The following SLC25A26 variants were observed in gnomAD, a reference collection of about 807,000 sequenced individuals.
The protein encoded by SLC25A26 is mitochondrial S-adenosylmethionine carrier protein.
A neutral mutation model predicts 37.8 loss-of-function variants in SLC25A26; 36 were observed. The observed-to-expected ratio is 0.95, with a 90% CI of 0.73 to 1.26. The LOEUF (loss-of-function observed/expected upper bound fraction) is 1.26, where lower values mean the gene tolerates loss of function less well. Among genes scored for constraint, SLC25A26 ranks in the 50% most tolerant of loss-of-function variants. SLC25A26 has a pLI of 0.00. For missense variants in SLC25A26, 390 were observed against 331.1 expected (o/e 1.18, Z -1.38); for synonymous variants, 129 against 122.5 (o/e 1.05, Z -0.35).
intron 5 of SLC25A26, among the ~76,000 whole-genome samples, chr3:66,334,163 T>C (rs1302010552): frequency 6.6e-6 from 1 of 152,218 alleles, no homozygotes; most frequent in Non-Finnish European, 1.5e-5. Context: ...TGCTTCTTTC[T>C]CTCTGAGAAG....
At chr3:66,369,289 C>T (rs1346089187) in intron 7 of SLC25A26, among the ~76,000 whole-genome samples, 189 bp from the exon 8 acceptor site, 2 of 152,206 alleles carry the variant, frequency 1.3e-5, no homozygotes, top group African/African-American at 4.8e-5. Flanking sequence ...TTTCTTCTCT[C>T]ATGCAGTTCT....
At position 66,197,505 on chromosome 3, in the gene SLC25A26, G is replaced by A. The variant is rs894182687; in HGVS notation, c.-353-23237G>A. On this transcript the variant is annotated intron_variant, in intron 1 of 10. Coordinates refer to the SLC25A26 transcript ENST00000676754. The stretch of plus-strand genomic sequence containing the variant: ...CAGTATCAACATTAGAAAAGATCAG[G>A]GATGGGGTCAGGGTCAGGGTTAGGT... 2.8e-3 allele frequency among the ~76,000 whole-genome samples: 429 copies of A among 152,240 alleles called. 1 individual carries two copies. Among genetic ancestry groups the A allele is most frequent in the Non-Finnish European group, 4.0e-3 (273 of 68,024 alleles).
At chr3:66,348,012 C>A (rs528422019) in intron 6 of SLC25A26, among the ~76,000 whole-genome samples, 100 of 152,272 alleles carry the variant, frequency 6.6e-4, no homozygotes, top group African/African-American at 2.3e-3. Flanking sequence ...GGAAAAATAG[C>A]TAACACATGC....
At chr3:66,285,358 T>C (rs541077000) in intron 5 of SLC25A26, among the ~76,000 whole-genome samples, 1 of 151,610 alleles carries the variant, frequency 6.6e-6, no homozygotes, top group Non-Finnish European at 1.5e-5. Flanking sequence ...GATAAATTTA[T>C]CAAAGGCACT....
intron 5 of SLC25A26, among the ~76,000 whole-genome samples, chr3:66,278,760 T>C (rs2074240566): frequency 6.6e-6 from 1 of 152,224 alleles, no homozygotes; most frequent in South Asian, 2.1e-4. Flanking sequence ...TGCTTTCTTT[T>C]TGCCACCTTG....
intron 5 of SLC25A26, among the ~76,000 whole-genome samples, chr3:66,298,802 A>T (rs1418944882): frequency 3.9e-5 from 6 of 152,190 alleles, no homozygotes; most frequent in Non-Finnish European, 8.8e-5. Flanking sequence ...GCATTACAGG[A>T]TGACGTTGCT....
At chr3:66,153,052 A>G (rs139549989) in intron 1 of SLC25A26, among the ~76,000 whole-genome samples, 1 of 152,284 alleles carries the variant, frequency 6.6e-6, no homozygotes, top group African/African-American at 2.4e-5. Context: ...GGAGCCATTT[A>G]CCTAAAACAT....
intron 1 of SLC25A26, among the ~76,000 whole-genome samples, chr3:66,167,985 C>G (rs2070447333): frequency 6.6e-6 from 1 of 151,660 alleles, no homozygotes; most frequent in African/African-American, 2.4e-5. Context: ...GAAAGCCCGT[C>G]TCTACTAAAA....
chr3:66,134,425 T>C (rs2069916085), intron 1 of SLC25A26, among the ~76,000 whole-genome samples: 1 of 152,204 alleles, frequency 6.6e-6, no homozygotes, highest in African/African-American at 2.4e-5. Flanking sequence ...TGTGTGTTTG[T>C]CACAGAGAAG....
intron 5 of SLC25A26, among the ~76,000 whole-genome samples, chr3:66,343,509 T>A (rs2076254701): frequency 6.6e-6 from 1 of 152,344 alleles, no homozygotes; most frequent in East Asian, 1.9e-4. Flanking sequence ...TCCAAATGTG[T>A]GATTTTAAAA....
chr3:66,325,986 C>A (rs1432140303), intron 5 of SLC25A26, among the ~76,000 whole-genome samples: 1 of 152,122 alleles, frequency 6.6e-6, no homozygotes, highest in Non-Finnish European at 1.5e-5. Context: ...ACTAGGAGTA[C>A]ATTAGGGAGA....
intron 1 of SLC25A26, among the ~76,000 whole-genome samples, chr3:66,207,256 A>G (rs2071193418): frequency 6.6e-6 from 1 of 152,092 alleles, no homozygotes; most frequent in African/African-American, 2.4e-5. Context: ...TTTAACACAG[A>G]GAAGCTACAG....
At chr3:66,188,586 T>A (rs1384130710) in intron 1 of SLC25A26, among the ~76,000 whole-genome samples, 1 of 152,176 alleles carries the variant, frequency 6.6e-6, no homozygotes, top group Non-Finnish European at 1.5e-5. Context: ...CCTTCTTCTA[T>A]GAGTGGAGGC....
chr3:66,326,180 C>T (rs2075832651), intron 5 of SLC25A26, among the ~76,000 whole-genome samples: 1 of 152,134 alleles, frequency 6.6e-6, no homozygotes, highest in Admixed American at 6.5e-5. Context: ...GTTGGGGCTT[C>T]AGCCTATGGG....
chr3:66,329,552 G>A (rs192736198), intron 5 of SLC25A26, among the ~76,000 whole-genome samples: 218 of 152,044 alleles, frequency 1.4e-3, no homozygotes, highest in Middle Eastern at 3.4e-3. Flanking sequence ...GTTAGACAAC[G>A]TTGAGATCAG....
At chr3:66,251,567 G>C (rs1290648514) in intron 3 of SLC25A26, among the ~76,000 whole-genome samples, 3 of 152,194 alleles carry the variant, frequency 2.0e-5, no homozygotes, top group Non-Finnish European at 4.4e-5. Context: ...CACGCAGAGA[G>C]GGAAAGAAGA....
intron 1 of SLC25A26, among the ~76,000 whole-genome samples, chr3:66,175,832 A>T (rs1225388602): frequency 6.6e-6 from 1 of 152,216 alleles, no homozygotes; most frequent in Non-Finnish European, 1.5e-5. Flanking sequence ...ATTAGGGCGG[A>T]CTATCTGTTT....
chr3:66,214,690 C>A (rs2071334396), intron 1 of SLC25A26, among the ~76,000 whole-genome samples: 1 of 152,108 alleles, frequency 6.6e-6, no homozygotes, highest in Non-Finnish European at 1.5e-5. Flanking sequence ...GAACTATTTA[C>A]ACTTAAAAAT....
rs567071038 is a variant in SLC25A26, at chr3:66,309,754, G to A, written c.454-36610G>A. Among the ~76,000 whole-genome samples the A allele has an allele frequency of 7.9e-5, 12 of 152,214 alleles. No individual in the cohort carries two copies. The South Asian group carries it at 1.2e-3, about 16-fold the overall frequency. On this transcript the variant is annotated intron_variant, in intron 5 of 9. Coordinates refer to ENST00000354883, the MANE Select transcript of SLC25A26 (RefSeq NM_001379210.1). ...GCTTATTTGTTTCTGCCTTAATTTC[G>A]TTATTTATCTAATAGTCATTCAGGA...
Sources: allele counts gnomAD v4.1 joint callset (sites outside exome capture counted in the v4.1 genomes callset), GRCh38; gene constraint gnomAD v4.1.1; transcripts MANE v1.5; gene names NCBI Gene and HGNC (gene_info 2026-07-23, HGNC 2026-07-21).